The following SLC35F5 variants were observed in gnomAD, a reference collection of about 807,000 sequenced individuals.
SLC35F5 encodes HCV NS5A-transactivated protein 3.
In SLC35F5, 54 loss-of-function variants were observed where a neutral mutation model predicts 68.6. The observed-to-expected ratio is 0.79, with a 90% CI of 0.63 to 0.99. The LOEUF (loss-of-function observed/expected upper bound fraction) is 0.99. SLC35F5 is among the 50% of genes least tolerant of loss of function. The pLI is 0.00. For synonymous variants in SLC35F5, 211 were observed against 205.2 expected, an observed-to-expected ratio of 1.03 and a Z score of -0.24; for missense variants, 567 against 626.9, an observed-to-expected ratio of 0.90 and a Z score of 1.02.
chr2:113,746,301 T>A lies in SLC35F5; in HGVS notation c.456A>T (p.Thr152=). ...DAEGYFAACT[T]DTTMNSSLSE... is the part of the protein sequence containing the mutation. Reference sequence around the variant, plus strand: ...CCAAAGAACTATTCATAGTTGTATCTGTTGTGCAAGCAGCAAAGTAACCTT... The same window carrying A: ...CCAAAGAACTATTCATAGTTGTATCAGTTGTGCAAGCAGCAAAGTAACCTT... Residue 152 remains threonine, a synonymous_variant, in exon 5 of 16, where the codon ACA becomes ACT. Coordinates refer to ENST00000245680, the MANE Select transcript of SLC35F5 (RefSeq NM_025181.5). The A allele has an allele frequency of 6.2e-7, 1 of 1,613,440 alleles. No individual in the cohort carries two copies. Among genetic ancestry groups the A allele is most frequent in the Non-Finnish European group, 8.5e-7 (1 of 1,179,750 alleles).
rs2104451917 is a variant in SLC35F5, at chr2:113,737,818, C to T, written c.751-1960G>A. Reference sequence around the variant, plus strand: ...ACAGCACCCTCATCACCAAAGAAGACCCATCTCAACCATCCTCCAATAGAA... The same window carrying T: ...ACAGCACCCTCATCACCAAAGAAGATCCATCTCAACCATCCTCCAATAGAA... On this transcript the variant is annotated intron_variant, in intron 7 of 15. Coordinates refer to ENST00000245680, the MANE Select transcript of SLC35F5 (RefSeq NM_025181.5). 1.3e-5 allele frequency among the ~76,000 whole-genome samples: 2 copies of T among 152,270 alleles called. 1 individual carries two copies. The highest frequency in any genetic ancestry group is 4.1e-4 in the South Asian group (2 of 4,824).
chr2:113,750,292 C>G, intron 4 of SLC35F5, 133 bp downstream of exon 4: 6 of 793,738 alleles, frequency 7.6e-6, no homozygotes, highest in Non-Finnish European at 1.8e-6. Flanking sequence ...AGCCGGTTTT[C>G]TTATATCATC....
At chr2:113,746,240 C>G in intron 5 of SLC35F5, 37 bp downstream of exon 5, 1 of 1,548,748 alleles carries the variant, frequency 6.5e-7, no homozygotes, top group Non-Finnish European at 8.9e-7. Flanking sequence ...TGGCTCAACC[C>G]CACCTCTCTA....
chr2:113,726,291 T>C (rs951109818), intron 11 of SLC35F5, among the ~76,000 whole-genome samples: 3 of 152,186 alleles, frequency 2.0e-5, no homozygotes, highest in Non-Finnish European at 2.9e-5. Context: ...AAATATAGCA[T>C]AGTATCTGGC....
At chr2:113,703,973 G>T (rs7599741), downstream of SLC35F5, 37,886 of 152,476 alleles carry the variant, frequency 0.25, 5,085 homozygotes, top group Middle Eastern at 0.5. Flanking sequence ...TCCGGAGTTG[G>T]TTCCTTCTGA....
chr2:113,717,472 C>A (rs1272809436), intron 15 of SLC35F5: 2 of 210,538 alleles, frequency 9.5e-6, no homozygotes, highest in Non-Finnish European at 1.9e-5. Flanking sequence ...ATTATACATA[C>A]TTTATATTTA....
rs754998842 is a variant in SLC35F5 at position 113,742,811 on chromosome 2, A to G, written c.631T>C (p.Leu211=). 3 of 1,614,160 alleles carry G rather than the reference A, an allele frequency of 1.9e-6. No homozygotes were observed. The highest frequency in any genetic ancestry group is 3.3e-5 in the Admixed American group (2 of 60,024). The stretch of plus-strand genomic sequence containing the variant: ...GACATGCGAGACAACTTTGCTTCCA[A>G]TGCATGACTTGACGGAAGCTGTCGA... ...EIRQLPSSHA[L]EAKLSRMSYP... Residue 211 remains leucine, a synonymous_variant, in exon 7 of 16, where the codon TTG becomes CTG. Coordinates refer to ENST00000245680, the MANE Select transcript of SLC35F5 (RefSeq NM_025181.5).
intron 10 of SLC35F5, among the ~76,000 whole-genome samples, chr2:113,730,950 A>C (rs1687859957): frequency 6.6e-6 from 1 of 152,216 alleles, no homozygotes; most frequent in South Asian, 2.1e-4. Flanking sequence ...TTTACACTGG[A>C]GTAGGGTGGT....
downstream of SLC35F5, chr2:113,705,641 ATAAT>A (rs1686780472): frequency 6.6e-6 from 1 of 152,216 alleles, no homozygotes; most frequent in Non-Finnish European, 1.5e-5. Flanking sequence ...ACTTTTCAAA[ATAAT>A]TAGTAGATGA....
chr2:113,737,311 G>C (rs1688130095), intron 7 of SLC35F5, among the ~76,000 whole-genome samples: 1 of 152,142 alleles, frequency 6.6e-6, no homozygotes, highest in Non-Finnish European at 1.5e-5. Context: ...AGTCCATACT[G>C]TACTCAAGGC....
intron 10 of SLC35F5, among the ~76,000 whole-genome samples, chr2:113,730,232 T>C (rs763770762): frequency 5.3e-5 from 8 of 152,230 alleles, no homozygotes; most frequent in Non-Finnish European, 1.2e-4. Context: ...ACATGAATAA[T>C]AAATACTGAT....
intron 4 of SLC35F5, among the ~76,000 whole-genome samples, chr2:113,749,120 G>T (rs1676634859): frequency 6.6e-6 from 1 of 152,084 alleles, no homozygotes; most frequent in African/African-American, 2.4e-5. Flanking sequence ...GAACTCCTGA[G>T]GCTCAAGAGA....
At chr2:113,716,647 C>T (rs546748109) in intron 15 of SLC35F5, among the ~76,000 whole-genome samples, 1 of 152,116 alleles carries the variant, frequency 6.6e-6, no homozygotes, top group East Asian at 1.9e-4. Context: ...AAGTCATAAG[C>T]ATGATACTTA....
rs1686823769 is a variant in SLC35F5 at position 113,707,239 on chromosome 2, G to T, written c.*7979C>A. On this transcript the variant is annotated 3_prime_UTR_variant, in exon 16 of 16. Transcript: ENST00000245680. ...GATTACCTCTGGCCTTCTGGGTCTG[G>T]TAATTAAGTTGACTTAATATTTGCA... Among the ~76,000 whole-genome samples the T allele has an allele frequency of 1.3e-5, 2 of 152,034 alleles. No homozygotes were observed. The highest frequency in any genetic ancestry group is 2.4e-5 in the African/African-American group (1 of 41,386).
At chr2:113,716,799 CA>C (rs1687199653) in intron 15 of SLC35F5, among the ~76,000 whole-genome samples, 1 of 152,134 alleles carries the variant, frequency 6.6e-6, no homozygotes, top group African/African-American at 2.4e-5. Flanking sequence ...AACTAGAGCT[CA>C]AACCATGTGC....
intron 13 of SLC35F5, among the ~76,000 whole-genome samples, chr2:113,722,069 G>A (rs1139327): frequency 0.11 from 16,243 of 148,862 alleles, 946 homozygotes; most frequent in Non-Finnish European, 0.13. Context: ...CCGCCTCCCG[G>A]GTTCAAGTGA....
At chr2:113,728,731 C>T (rs1283800117) in intron 11 of SLC35F5, among the ~76,000 whole-genome samples, 2 of 152,190 alleles carry the variant, frequency 1.3e-5, no homozygotes, top group African/African-American at 2.4e-5. Flanking sequence ...TATCATGGAG[C>T]TTCTTTATCT....
chr2:113,735,666 A>T (rs1335613388), intron 8 of SLC35F5, 111 bp downstream of exon 8: 42 of 644,318 alleles, frequency 6.5e-5, no homozygotes, highest in Non-Finnish European at 2.6e-6. Flanking sequence ...TGTATATTAG[A>T]ACTAATGTAA....
intron 13 of SLC35F5, among the ~76,000 whole-genome samples, chr2:113,721,976 T>C (rs1374852140): frequency 2.1e-5 from 3 of 144,350 alleles, no homozygotes; most frequent in Non-Finnish European, 4.6e-5. Flanking sequence ...TTTATCTTTT[T>C]TTTTTTTTTT....
Sources: allele counts gnomAD v4.1 joint callset (sites outside exome capture counted in the v4.1 genomes callset), GRCh38; gene constraint gnomAD v4.1.1; transcripts MANE v1.5; gene names NCBI Gene and HGNC (gene_info 2026-07-23, HGNC 2026-07-21).